Variants in SHISA9 observed in about 807,000 individuals in gnomAD.
SHISA9 encodes the protein protein shisa-9.
A neutral mutation model predicts 38.0 loss-of-function variants in SHISA9; 13 were observed. The observed-to-expected ratio is 0.34, with a 90% CI of 0.22 to 0.54. SHISA9 has a LOEUF of 0.54. Among genes scored for constraint, SHISA9 ranks in the 20% least tolerant of loss-of-function variants. The probability of loss-of-function intolerance (pLI) is 0.91; values close to 1 mark genes in which losing one functional copy is unlikely to be tolerated. For synonymous variants in SHISA9, 275 were observed against 242.0 expected, an observed-to-expected ratio of 1.14 and a Z score of -1.27; for missense variants, 538 against 575.8, an observed-to-expected ratio of 0.93 and a Z score of 0.67.
At chr16:13,062,220 T>C (rs999517372) in intron 2 of SHISA9, among the ~76,000 whole-genome samples, 5 of 151,852 alleles carry the variant, frequency 3.3e-5, no homozygotes, top group African/African-American at 1.2e-4. Context: ...TTATCTGAAA[T>C]GCACATTTAA....
the SHISA9 span, among the ~76,000 whole-genome samples, chr16:13,381,691 A>G: frequency 6.6e-6 from 1 of 152,232 alleles, no homozygotes; most frequent in Non-Finnish European, 1.5e-5. Flanking sequence ...TTTCTAAATT[A>G]AGAAATATAT....
intron 2 of SHISA9, among the ~76,000 whole-genome samples, chr16:13,108,756 CT>C (rs1273457501): frequency 6.6e-6 from 1 of 152,094 alleles, no homozygotes; most frequent in East Asian, 1.9e-4. Flanking sequence ...TTGATTTGAT[CT>C]TTTTCATTTA....
intron 2 of SHISA9, among the ~76,000 whole-genome samples, chr16:13,190,248 A>G (rs1365648744): frequency 4.3e-5 from 5 of 116,034 alleles, no homozygotes; most frequent in Admixed American, 4.0e-4. Context: ...ACCCCACAAC[A>G]GTCCCCAGAG....
intron 2 of SHISA9, among the ~76,000 whole-genome samples, chr16:12,984,351 A>G (rs1361198779): frequency 6.6e-6 from 1 of 152,220 alleles, no homozygotes; most frequent in East Asian, 1.9e-4. Flanking sequence ...ATTAAATTTC[A>G]GCTGCCTTTT....
intron 2 of SHISA9, among the ~76,000 whole-genome samples, chr16:13,195,461 C>A (rs901389689): frequency 1.3e-5 from 2 of 152,146 alleles, no homozygotes; most frequent in African/African-American, 4.8e-5. Flanking sequence ...GAAGAAGAGA[C>A]AAATCTTCCA....
At chr16:13,245,277 A>G (rs1326389210), downstream of SHISA9, among the ~76,000 whole-genome samples, 1 of 152,188 alleles carries the variant, frequency 6.6e-6, no homozygotes, top group African/African-American at 2.4e-5. Flanking sequence ...CAGTGAAAGT[A>G]AAGACATGAT....
chr16:12,929,240 A>G (rs917033840), intron 2 of SHISA9, among the ~76,000 whole-genome samples: 1 of 152,194 alleles, frequency 6.6e-6, no homozygotes, highest in African/African-American at 2.4e-5. Flanking sequence ...GTGAGTCCTC[A>G]AAGATCTAGA....
At chr16:13,435,623 A>G in the SHISA9 span, among the ~76,000 whole-genome samples, 1 of 152,202 alleles carries the variant, frequency 6.6e-6, no homozygotes. Flanking sequence ...CTGAGGGGAA[A>G]AAAAAGAGTA....
chr16:13,027,309 T>A (rs1345323600), intron 2 of SHISA9, among the ~76,000 whole-genome samples: 1 of 152,206 alleles, frequency 6.6e-6, no homozygotes, highest in Non-Finnish European at 1.5e-5. Context: ...TAATATTTAT[T>A]GGGTCATGTA....
chr16:13,299,668 G>C, the SHISA9 span, among the ~76,000 whole-genome samples: 1 of 149,416 alleles, frequency 6.7e-6, no homozygotes, highest in Non-Finnish European at 1.5e-5. Context: ...AGCAGAGATT[G>C]CACCCCTGCA....
At chr16:12,946,732 C>T (rs898283426) in intron 2 of SHISA9, among the ~76,000 whole-genome samples, 4 of 152,128 alleles carry the variant, frequency 2.6e-5, no homozygotes, top group African/African-American at 9.7e-5. Context: ...ATAGCCATGG[C>T]GGAGAAGGGG....
chr16:13,167,124 G>A (rs2050644764), intron 2 of SHISA9, among the ~76,000 whole-genome samples: 2 of 141,720 alleles, frequency 1.4e-5, no homozygotes, highest in South Asian at 2.2e-4. Flanking sequence ...CCAGGCTGGA[G>A]TGCAATGGGG....
downstream of SHISA9, among the ~76,000 whole-genome samples, chr16:13,244,105 C>G (rs1240686264): frequency 6.6e-6 from 1 of 152,110 alleles, no homozygotes; most frequent in Non-Finnish European, 1.5e-5. Context: ...TATGAATATT[C>G]TTAATGTTCT....
At chr16:13,390,618 C>A in the SHISA9 span, among the ~76,000 whole-genome samples, 1 of 152,186 alleles carries the variant, frequency 6.6e-6, no homozygotes, top group African/African-American at 2.4e-5. Flanking sequence ...AAATCACCTC[C>A]TGCCTCTTTC....
At chr16:13,530,753 G>A in the SHISA9 span, among the ~76,000 whole-genome samples, 1,587 of 152,180 alleles carry the variant, frequency 0.01, 12 homozygotes, top group Non-Finnish European at 0.017. Context: ...TTCCCAGGTC[G>A]GCAGATGCTT....
At chr16:13,003,842 A>C (rs367976707) in intron 2 of SHISA9, among the ~76,000 whole-genome samples, 23 of 150,192 alleles carry the variant, frequency 1.5e-4, no homozygotes, top group African/African-American at 5.5e-4. Context: ...TGGACGACAG[A>C]GCGAGACTCC....
the SHISA9 span, among the ~76,000 whole-genome samples, chr16:13,262,211 G>A: frequency 6.6e-6 from 1 of 152,104 alleles, no homozygotes; most frequent in Non-Finnish European, 1.5e-5. Context: ...TACAAAACCA[G>A]TCCTGATATG....
chr16:13,213,157 A>T (rs2051136154), intron 3 of SHISA9, 96 bp from the exon 4 acceptor site: 1 of 1,077,948 alleles, frequency 9.3e-7, no homozygotes, highest in Admixed American at 2.0e-5. Flanking sequence ...TGGAGGCTGC[A>T]GCAGGGGCAG....
chr16:12,963,947 G>A (rs541478607), intron 2 of SHISA9, among the ~76,000 whole-genome samples: 1 of 152,220 alleles, frequency 6.6e-6, no homozygotes, highest in Non-Finnish European at 1.5e-5. Context: ...CACCAAGGGG[G>A]CTTCAGAAGC....
Sources: gnomAD v4.1 joint callset for allele counts (sites outside exome capture counted in the v4.1 genomes callset) on GRCh38, gnomAD v4.1.1 for gene constraint, MANE v1.5 for transcripts, NCBI Gene and HGNC (gene_info 2026-07-23, HGNC 2026-07-21) for gene names.